HMGA2: variants seen among roughly 807,000 people sequenced by gnomAD.
The protein encoded by HMGA2 is high mobility group AT-hook 2.
A neutral mutation model predicts 19.1 loss-of-function variants in HMGA2; 8 were observed. The ratio of observed to expected loss-of-function variants is 0.42; its 90% CI spans 0.25 to 0.76. HMGA2 has a LOEUF of 0.76. HMGA2 is among the 30% of genes least tolerant of loss of function. The pLI is 0.28. For missense variants in HMGA2, 109 were observed against 136.3 expected (o/e 0.80, Z 1.00); for synonymous variants, 60 against 48.8 (o/e 1.23, Z -0.96).
At chr12:65,845,860 A>C (rs967864523) in intron 3 of HMGA2, among the ~76,000 whole-genome samples, 3 of 152,318 alleles carry the variant, frequency 2.0e-5, no homozygotes, top group African/African-American at 7.2e-5. Context: ...TGCTCCAGCC[A>C]GCTCTATCAT....
intron 3 of HMGA2, among the ~76,000 whole-genome samples, chr12:65,931,925 A>G (rs985147815): frequency 3.9e-5 from 6 of 152,202 alleles, no homozygotes; most frequent in African/African-American, 1.4e-4. Context: ...TCAAAAAAAT[A>G]AAATAAATTT....
intron 3 of HMGA2, among the ~76,000 whole-genome samples, chr12:65,902,504 C>A (rs912796939): frequency 6.6e-5 from 10 of 152,042 alleles, no homozygotes; most frequent in Non-Finnish European, 8.8e-5. Context: ...ACCCCAAGAG[C>A]CCTTGAAAAA....
intron 3 of HMGA2, among the ~76,000 whole-genome samples, chr12:65,921,593 T>C (rs1373134626): frequency 6.8e-6 from 1 of 147,194 alleles, no homozygotes; most frequent in Non-Finnish European, 1.5e-5. Context: ...TTTGGAAGAT[T>C]TGCAGCCTGA....
Position 65,965,067 on chromosome 12 carries a change from T to G in HMGA2, c.*1775T>G, listed in dbSNP as rs994604321. The G allele has an allele frequency of 8.4e-5, 16 of 190,330 alleles. No individual in the cohort carries two copies. The East Asian group carries it at 1.3e-3, about 15-fold the overall frequency. 11.8% of individuals were successfully genotyped at this position (190,330 alleles called of 1,614,324 possible). A position where few individuals can be genotyped will look rare whatever the true frequency, so the allele number is the denominator to read the frequency against. The stretch of plus-strand genomic sequence containing the variant: ...AGCTAACCCTAGTCAAAACTATTTT[T>G]GTAAAAGACATTTGATAGAAAGGAA... On this transcript the variant is annotated 3_prime_UTR_variant, in exon 5 of 5. Transcript: ENST00000403681.
At chr12:65,863,016 A>G (rs1026816683) in intron 3 of HMGA2, among the ~76,000 whole-genome samples, 1 of 152,188 alleles carries the variant, frequency 6.6e-6, no homozygotes, top group Non-Finnish European at 1.5e-5. Flanking sequence ...AGCTCATGGT[A>G]ATTGGCATGG....
In HMGA2 at chr12:65,825,178, GCCC is replaced by G; in HGVS notation, c.-92_-90del. On this transcript the variant is annotated 5_prime_UTR_variant, in exon 1 of 5. Transcript: ENST00000403681. This position sits in a 1 kb window ranked among gnomAD's most constrained non-coding sequence, Gnocchi z 4.4. ...CGCGCTCGCCCCGCCGGCGTCCCCAGCCCTATCACCTCATCTCCCGAAAGGTGC... is the reference window on the plus strand; with the variant it reads ...CGCGCTCGCCCCGCCGGCGTCCCCAGTATCACCTCATCTCCCGAAAGGTGC... The G allele has an allele frequency of 8.6e-7, 1 of 1,162,254 alleles. No homozygotes were observed. Among genetic ancestry groups the G allele is most frequent in the South Asian group, 1.4e-5 (1 of 71,298 alleles). 72.0% of individuals were successfully genotyped at this position (1,162,254 alleles called of 1,614,324 possible). A position where few individuals can be genotyped will look rare whatever the true frequency, so the allele number is the denominator to read the frequency against.
At chr12:65,933,731 T>C (rs1034877411) in intron 3 of HMGA2, among the ~76,000 whole-genome samples, 5 of 152,296 alleles carry the variant, frequency 3.3e-5, no homozygotes, top group Admixed American at 6.5e-5. Flanking sequence ...TCTTTATCTT[T>C]TTAAACACTG....
In HMGA2 at chr12:65,964,813, C is replaced by T. The variant is rs1244193067; in HGVS notation, c.*1521C>T. 1 of 193,762 alleles carries T rather than the reference C, an allele frequency of 5.2e-6. No homozygotes were observed. Among genetic ancestry groups the T allele is most frequent in the East Asian group, 8.2e-5 (1 of 12,222 alleles). The allele number at this position is 193,762 out of a possible 1,614,324, so 12.0% of individuals were successfully genotyped here. A position where few individuals can be genotyped will look rare whatever the true frequency, so the allele number is the denominator to read the frequency against. ...CTACATTAACTTGAAAATTTTTTAA[C>T]CAAGTCGCTCCTAGGTTCTTAAGGA... On this transcript the variant is annotated 3_prime_UTR_variant, in exon 5 of 5. Transcript: ENST00000403681.
At chr12:65,922,375 G>C (rs1167458246) in intron 3 of HMGA2, among the ~76,000 whole-genome samples, 1 of 152,206 alleles carries the variant, frequency 6.6e-6, no homozygotes, top group African/African-American at 2.4e-5. Context: ...GAGACCTGGA[G>C]TCAAAGGAGA....
chr12:65,895,916 A>T (rs1026695115), intron 3 of HMGA2, among the ~76,000 whole-genome samples: 1 of 152,184 alleles, frequency 6.6e-6, no homozygotes, highest in African/African-American at 2.4e-5. Flanking sequence ...TTATTCTGTC[A>T]GTAAAGTTGA....
intron 3 of HMGA2, among the ~76,000 whole-genome samples, chr12:65,926,686 G>A (rs1875516150): frequency 6.6e-6 from 1 of 152,188 alleles, no homozygotes; most frequent in Non-Finnish European, 1.5e-5. Flanking sequence ...AGCAAATGCT[G>A]ATTTGGATGC....
chr12:65,892,222 G>A (rs1873940171), intron 3 of HMGA2, among the ~76,000 whole-genome samples: 1 of 152,228 alleles, frequency 6.6e-6, no homozygotes, highest in Non-Finnish European at 1.5e-5. Flanking sequence ...CTCTCAAAAT[G>A]TGGCAGGAGG....
chr12:65,961,938 T>G (rs1876764187), intron 4 of HMGA2, among the ~76,000 whole-genome samples: 1 of 152,222 alleles, frequency 6.6e-6, no homozygotes. Context: ...AGACAAGCTT[T>G]AAGGCATGCT....
At chr12:65,891,099 A>G (rs1431922887) in intron 3 of HMGA2, among the ~76,000 whole-genome samples, 1 of 152,082 alleles carries the variant, frequency 6.6e-6, no homozygotes, top group East Asian at 1.9e-4. Flanking sequence ...TCTTTCATCC[A>G]TTGGAACCAG....
At chr12:65,852,676 G>T (rs776486663) in intron 3 of HMGA2, among the ~76,000 whole-genome samples, 6 of 151,912 alleles carry the variant, frequency 3.9e-5, no homozygotes, top group Non-Finnish European at 7.4e-5. Context: ...TGCTCTTATG[G>T]TTGAAAGGCT....
At chr12:65,895,305 C>A (rs1874079155) in intron 3 of HMGA2, among the ~76,000 whole-genome samples, 1 of 151,438 alleles carries the variant, frequency 6.6e-6, no homozygotes, top group African/African-American at 2.4e-5. Flanking sequence ...GCACATTGTG[C>A]AGAAAAGTCA....
At position 65,824,508 on chromosome 12, in the gene HMGA2, G is replaced by T. The variant is rs1482239388; in HGVS notation, c.-763G>T. On this transcript the variant is annotated 5_prime_UTR_variant, in exon 1 of 5. Coordinates refer to ENST00000403681, the MANE Select transcript of HMGA2 (RefSeq NM_003483.6). ...AGAAAACTTCCAGCCCGGGCAGCGC[G>T]CGCTTGGTGCAAGACTCAGGAGCTA... 4.3e-6 allele frequency: 1 copy of T among 232,870 alleles called. No individual in the cohort carries two copies. The highest frequency in any genetic ancestry group is 8.5e-6 in the Non-Finnish European group (1 of 118,280). 14.4% of individuals were successfully genotyped at this position (232,870 alleles called of 1,614,324 possible).
chr12:65,945,091 G>C (rs1416158903), intron 3 of HMGA2, among the ~76,000 whole-genome samples: 2 of 151,760 alleles, frequency 1.3e-5, no homozygotes, highest in African/African-American at 4.8e-5. Context: ...TCGTTGAGGG[G>C]CCTCAGGGGC....
At chr12:65,956,266 T>A (rs149219172) in intron 4 of HMGA2, 9 of 152,234 alleles carry the variant, frequency 5.9e-5, no homozygotes, top group African/African-American at 1.9e-4. Context: ...CCAGTAAATG[T>A]TTAGTACCAA....
Sources: allele counts gnomAD v4.1 joint callset (sites outside exome capture counted in the v4.1 genomes callset), GRCh38; gene constraint gnomAD v4.1.1; non-coding constraint Gnocchi (gnomAD v3.1); transcripts MANE v1.5; gene names NCBI Gene and HGNC (gene_info 2026-07-23, HGNC 2026-07-21).